The following FAM240B variants were observed in gnomAD, a reference collection of about 807,000 sequenced individuals.
FAM240B encodes protein FAM240B.
At chr9:38,717,902 T>C (rs540361366) in intron 1 of FAM240B, among the ~76,000 whole-genome samples, 15 of 152,152 alleles carry the variant, frequency 9.9e-5, no homozygotes, top group Non-Finnish European at 2.1e-4. Context: ...GGATATGAAA[T>C]AAAGAAGTGT....
chr9:38,717,091 C>T (rs377450035), intron 1 of FAM240B, among the ~76,000 whole-genome samples: 3 of 152,150 alleles, frequency 2.0e-5, no homozygotes, highest in African/African-American at 7.2e-5. Context: ...TCGGCACCCT[C>T]GGGAAGGTGT....
intron 2 of FAM240B, among the ~76,000 whole-genome samples, chr9:38,703,159 C>G (rs1323329544): frequency 2.0e-5 from 3 of 152,196 alleles, no homozygotes; most frequent in Non-Finnish European, 4.4e-5. Context: ...CTGGTATACT[C>G]TCAAGACTGA....
chr9:38,711,221 T>TAAAC (rs927679141), intron 1 of FAM240B, among the ~76,000 whole-genome samples: 8 of 152,192 alleles, frequency 5.3e-5, no homozygotes, highest in Admixed American at 5.2e-4. Context: ...ATGGTAAGGA[T>TAAAC]AAACAAACAA....
At chr9:38,707,666 T>A (rs1166639085) in intron 1 of FAM240B, among the ~76,000 whole-genome samples, 2 of 149,042 alleles carry the variant, frequency 1.3e-5, no homozygotes, top group Admixed American at 1.3e-4. Flanking sequence ...TGGTGGCACA[T>A]GCCTGTAATC....
intron 1 of FAM240B, among the ~76,000 whole-genome samples, chr9:38,713,368 T>C (rs1169782957): frequency 6.7e-6 from 1 of 150,278 alleles, no homozygotes; most frequent in East Asian, 2.0e-4. Context: ...GTCCCAGCTA[T>C]TCGGGAGGCT....
intron 1 of FAM240B, among the ~76,000 whole-genome samples, chr9:38,715,516 T>C (rs1821296117): frequency 6.6e-6 from 1 of 152,228 alleles, no homozygotes; most frequent in Non-Finnish European, 1.5e-5. Context: ...TGGCAAATTC[T>C]TGAATGCATG....
chr9:38,710,228 A>G (rs1462054232), intron 1 of FAM240B, among the ~76,000 whole-genome samples: 1 of 152,174 alleles, frequency 6.6e-6, no homozygotes, highest in Non-Finnish European at 1.5e-5. Context: ...TCGGCCTCCC[A>G]AAGTGCTGGG....
chr9:38,697,364 G>C (rs1821080612), intron 2 of FAM240B, among the ~76,000 whole-genome samples: 1 of 152,150 alleles, frequency 6.6e-6, no homozygotes, highest in South Asian at 2.1e-4. Flanking sequence ...TCTTTAACAG[G>C]TGGCTTTGGC....
chr9:38,704,751 G>C (rs1358636405), intron 1 of FAM240B, among the ~76,000 whole-genome samples: 1 of 152,142 alleles, frequency 6.6e-6, no homozygotes, highest in Non-Finnish European at 1.5e-5. Context: ...GATGTGGGCC[G>C]GGCACGCTTT....
At chr9:38,711,443 G>A (rs768238841) in intron 1 of FAM240B, among the ~76,000 whole-genome samples, 5 of 152,116 alleles carry the variant, frequency 3.3e-5, no homozygotes, top group Non-Finnish European at 1.5e-5. Flanking sequence ...GTATGCATTT[G>A]GACGGGTTTC....
chr9:38,708,637 G>A (rs1055592895), intron 1 of FAM240B, among the ~76,000 whole-genome samples: 5 of 152,094 alleles, frequency 3.3e-5, no homozygotes, highest in African/African-American at 4.8e-5. Context: ...ATGAAGTGTG[G>A]TAACATACAG....
At chr9:38,718,407 G>T (rs1361746188) in intron 1 of FAM240B, among the ~76,000 whole-genome samples, 1 of 152,172 alleles carries the variant, frequency 6.6e-6, no homozygotes, top group Admixed American at 6.5e-5. Context: ...CTTCTGTAGA[G>T]GTCCTTTCAG....
intron 2 of FAM240B, among the ~76,000 whole-genome samples, chr9:38,701,907 A>AACACACACACAC (rs112042925): frequency 3.9e-4 from 59 of 151,280 alleles, no homozygotes; most frequent in Non-Finnish European, 8.3e-4. Flanking sequence ...AAAATAGGAG[A>AACACACACACAC]ACACACACAC....
intron 1 of FAM240B, among the ~76,000 whole-genome samples, chr9:38,704,323 G>A (rs1821164315): frequency 6.6e-6 from 1 of 151,986 alleles, no homozygotes; most frequent in Non-Finnish European, 1.5e-5. Flanking sequence ...TGACAATTTT[G>A]TAAATTATAG....
chr9:38,701,261 T>C (rs954064927), intron 2 of FAM240B, among the ~76,000 whole-genome samples: 1 of 152,132 alleles, frequency 6.6e-6, no homozygotes, highest in Non-Finnish European at 1.5e-5. Flanking sequence ...GTCTATGATA[T>C]TCATTGGTCT....
intron 2 of FAM240B, among the ~76,000 whole-genome samples, chr9:38,696,549 C>A (rs1217676003): frequency 6.6e-6 from 1 of 152,168 alleles, no homozygotes; most frequent in Non-Finnish European, 1.5e-5. Context: ...TGGGGCAGTA[C>A]CGTCAAGACA....
chr9:38,702,703 C>G (rs10973984), intron 2 of FAM240B, among the ~76,000 whole-genome samples: 43,628 of 152,086 alleles, frequency 0.29, 6,462 homozygotes, highest in Admixed American at 0.35. Context: ...AACAAGTTCA[C>G]TTGCCAGTGA....
chr9:38,708,239 C>T (rs574718437), intron 1 of FAM240B, among the ~76,000 whole-genome samples: 10 of 152,308 alleles, frequency 6.6e-5, no homozygotes, highest in Admixed American at 2.0e-4. Context: ...CCTCCCTGTG[C>T]TCTCGCTGCA....
chr9:38,717,164 T>G (rs1275393768), intron 1 of FAM240B, among the ~76,000 whole-genome samples: 1 of 152,200 alleles, frequency 6.6e-6, no homozygotes, highest in Non-Finnish European at 1.5e-5. Context: ...TTCCCTCTCT[T>G]AGGCTGCTTC....
Sources: gnomAD v4.1 joint callset for allele counts (sites outside exome capture counted in the v4.1 genomes callset) on GRCh38, gnomAD v4.1.1 for gene constraint, MANE v1.5 for transcripts, NCBI Gene and HGNC (gene_info 2026-07-23, HGNC 2026-07-21) for gene names.